DGKB: variants seen among roughly 807,000 people sequenced by gnomAD.
DGKB encodes the protein 90 kDa diacylglycerol kinase.
In DGKB, 67 loss-of-function variants were observed where a neutral mutation model predicts 114.3. The ratio of observed to expected loss-of-function variants is 0.59; its 90% CI spans 0.48 to 0.72. DGKB has a LOEUF of 0.72. Ranked by LOEUF, DGKB falls within the 30% of genes least tolerant of loss-of-function variation. The pLI is 0.00. For synonymous variants in DGKB, 398 were observed against 323.1 expected, an observed-to-expected ratio of 1.23 and a Z score of -2.49; for missense variants, 907 against 975.2, an observed-to-expected ratio of 0.93 and a Z score of 0.93.
intron 23 of DGKB, among the ~76,000 whole-genome samples, chr7:14,323,170 A>G (rs115252388): frequency 0.011 from 1,746 of 152,302 alleles, 33 homozygotes; most frequent in African/African-American, 0.04. Flanking sequence ...TAATGAAAAT[A>G]TGGAATTTAA....
intron 1 of DGKB, among the ~76,000 whole-genome samples, chr7:14,893,605 A>T (rs995650555): frequency 2.6e-5 from 4 of 151,302 alleles, no homozygotes; most frequent in African/African-American, 4.8e-5. Context: ...CGTTGCCGTT[A>T]TCTCTTTAAT....
intron 20 of DGKB, among the ~76,000 whole-genome samples, chr7:14,483,886 A>G (rs1584297318): frequency 6.6e-6 from 1 of 152,078 alleles, no homozygotes; most frequent in East Asian, 1.9e-4. Flanking sequence ...ACCTAGGAGC[A>G]CCTCGATTTT....
intron 21 of DGKB, among the ~76,000 whole-genome samples, chr7:14,370,128 G>C (rs1321666953): frequency 6.6e-6 from 1 of 152,114 alleles, no homozygotes; most frequent in Non-Finnish European, 1.5e-5. Flanking sequence ...TTTGTATAAG[G>C]TGTAAGGAAG....
At chr7:14,221,931 G>T (rs1353286040) in intron 23 of DGKB, among the ~76,000 whole-genome samples, 1 of 151,124 alleles carries the variant, frequency 6.6e-6, no homozygotes, top group Non-Finnish European at 1.5e-5. Context: ...TAAGTTATCT[G>T]ATGTAGTGGC....
chr7:14,416,708 G>A (rs761174036), intron 21 of DGKB, among the ~76,000 whole-genome samples: 15 of 152,048 alleles, frequency 9.9e-5, no homozygotes, highest in South Asian at 6.2e-4. Flanking sequence ...TCCCAGCCCC[G>A]TGGAACTGTG....
At chr7:14,970,002 T>C (rs1490442975) in intron 1 of DGKB, among the ~76,000 whole-genome samples, 1 of 152,184 alleles carries the variant, frequency 6.6e-6, no homozygotes, top group African/African-American at 2.4e-5. Context: ...TCCTTGTACA[T>C]GCAGTCCATC....
rs1398440401 is a variant in DGKB, at chr7:14,338,537, T to TTTG, written c.2097_2099dup (p.Ala699_Lys700insAsn). 1 of 1,581,566 alleles carries TTTG rather than the reference T, an allele frequency of 6.3e-7. No homozygotes were observed. The highest frequency in any genetic ancestry group is 2.3e-5 in the East Asian group (1 of 43,804). ...GACCTTGACTTGCAAACTTCAACTC[T>TTTG]TTGGCATCTGTGACGGTGGTCCTTT... On this transcript the variant is annotated inframe_insertion, in exon 23 of 26. Transcript: ENST00000402815.
intron 1 of DGKB, among the ~76,000 whole-genome samples, chr7:14,957,737 G>T (rs973802358): frequency 6.6e-6 from 1 of 151,674 alleles, no homozygotes; most frequent in African/African-American, 2.4e-5. Context: ...ATTACCATTT[G>T]TATTTATTAC....
intron 14 of DGKB, among the ~76,000 whole-genome samples, chr7:14,627,930 G>A (rs1279416688): frequency 7.1e-6 from 1 of 140,354 alleles, no homozygotes; most frequent in East Asian, 2.0e-4. Flanking sequence ...GAGACAGAGT[G>A]AGACCTTGTC....
chr7:14,435,896 A>G (rs185141629), intron 21 of DGKB, among the ~76,000 whole-genome samples: 251 of 152,218 alleles, frequency 1.6e-3, no homozygotes, highest in African/African-American at 5.7e-3. Context: ...TTTGGCACCT[A>G]TTATTGTAAT....
At chr7:14,209,028 A>G in intron 23 of DGKB, 1 of 157,538 alleles carries the variant, frequency 6.3e-6, no homozygotes, top group South Asian at 1.8e-4. Context: ...TAATATCGAC[A>G]TACTTGCATA....
chr7:14,273,217 A>G (rs981577341), intron 23 of DGKB, among the ~76,000 whole-genome samples: 1 of 152,082 alleles, frequency 6.6e-6, no homozygotes, highest in Non-Finnish European at 1.5e-5. Flanking sequence ...ATGGTGGGGC[A>G]ATCCCGTAGT....
In DGKB at chr7:14,594,347, A is replaced by G. The variant is rs1238488163; in HGVS notation, c.1434-11210T>C. Among the ~76,000 whole-genome samples the G allele has an allele frequency of 2.0e-5, 3 of 146,982 alleles. No individual in the cohort carries two copies. The East Asian group carries it at 5.8e-4, about 28-fold the overall frequency. ...ATAAGTTATGTGTGTACTGATATGC[A>G]TATATATATGTTTGGAAATGCAGGT... On this transcript the variant is annotated intron_variant, in intron 17 of 25. Transcript: ENST00000402815.
At chr7:14,200,623 A>G (rs1479754242) in intron 23 of DGKB, among the ~76,000 whole-genome samples, 3 of 152,008 alleles carry the variant, frequency 2.0e-5, no homozygotes, top group Non-Finnish European at 4.4e-5. Flanking sequence ...CCATTTATCC[A>G]TTTACCTCAT....
At chr7:14,260,168 AAAAT>A (rs1796564292) in intron 23 of DGKB, among the ~76,000 whole-genome samples, 1 of 152,072 alleles carries the variant, frequency 6.6e-6, no homozygotes, top group Admixed American at 6.6e-5. Flanking sequence ...GAAATCCATC[AAAAT>A]AAATAATTCA....
At chr7:14,528,164 C>G (rs1362151026) in intron 20 of DGKB, among the ~76,000 whole-genome samples, 1 of 152,052 alleles carries the variant, frequency 6.6e-6, no homozygotes, top group South Asian at 2.1e-4. Context: ...TTTGCCAAGT[C>G]AAAAATCTTA....
At chr7:14,234,524 C>A (rs1029246356) in intron 23 of DGKB, among the ~76,000 whole-genome samples, 4 of 151,902 alleles carry the variant, frequency 2.6e-5, no homozygotes, top group African/African-American at 7.3e-5. Context: ...ACTCCAAATG[C>A]CAAATAAATT....
intron 7 of DGKB, among the ~76,000 whole-genome samples, chr7:14,700,568 A>G (rs1396515331): frequency 2.6e-5 from 4 of 152,188 alleles, no homozygotes; most frequent in Non-Finnish European, 5.9e-5. Context: ...CAATCACAGC[A>G]TCAATTCAGA....
chr7:14,430,832 A>G (rs1167096504), intron 21 of DGKB, among the ~76,000 whole-genome samples: 8 of 152,216 alleles, frequency 5.3e-5, no homozygotes, highest in Middle Eastern at 3.4e-3. Flanking sequence ...AATAATATTT[A>G]CTTTGATTTT....
Sources: gnomAD v4.1 joint callset for allele counts (sites outside exome capture counted in the v4.1 genomes callset) on GRCh38, gnomAD v4.1.1 for gene constraint, MANE v1.5 for transcripts, NCBI Gene and HGNC (gene_info 2026-07-23, HGNC 2026-07-21) for gene names.